MACROD2: variants seen among roughly 807,000 people sequenced by gnomAD.
MACROD2 encodes the protein mono-ADP ribosylhydrolase 2, also known as ADP-ribose glycohydrolase MACROD2.
MACROD2 carries 36 observed loss-of-function variants against 70.4 expected under a neutral mutation model. The ratio of observed to expected loss-of-function variants is 0.51; its 90% CI spans 0.39 to 0.68. MACROD2 has a LOEUF of 0.68. Ranked by LOEUF, MACROD2 falls within the 30% of genes least tolerant of loss-of-function variation. The pLI is 0.00. For synonymous variants in MACROD2, 172 were observed against 178.8 expected, an observed-to-expected ratio of 0.96 and a Z score of 0.30; for missense variants, 496 against 538.4, an observed-to-expected ratio of 0.92 and a Z score of 0.78.
At chr20:15,246,275 ATG>A (rs139635444) in intron 6 of MACROD2, among the ~76,000 whole-genome samples, 46 of 152,056 alleles carry the variant, frequency 3.0e-4, no homozygotes, top group African/African-American at 1.0e-3. Context: ...GTGTATGTGT[ATG>A]TGTGTGTGTG....
At chr20:14,919,195 GA>G (rs1163015565) in intron 5 of MACROD2, among the ~76,000 whole-genome samples, 1 of 152,136 alleles carries the variant, frequency 6.6e-6, no homozygotes, top group Non-Finnish European at 1.5e-5. Context: ...ACATTGCTGG[GA>G]AAGTAAAAGT....
intron 6 of MACROD2, among the ~76,000 whole-genome samples, chr20:15,411,552 A>G (rs1201482538): frequency 6.6e-6 from 1 of 152,222 alleles, no homozygotes; most frequent in African/African-American, 2.4e-5. Flanking sequence ...AGATAAAACT[A>G]TGATTGCATG....
intron 5 of MACROD2, among the ~76,000 whole-genome samples, chr20:14,931,352 C>T (rs571271593): frequency 6.6e-6 from 1 of 152,256 alleles, no homozygotes; most frequent in South Asian, 2.1e-4. Context: ...TAGCAATCTT[C>T]ACCAAGCAAC....
rs1051168115 is a variant in MACROD2 at position 14,679,739 on chromosome 20, G to A, written c.302-5104G>A. Among the ~76,000 whole-genome samples, 7 of 105,278 alleles carry A rather than the reference G, an allele frequency of 6.6e-5. No individual in the cohort carries two copies. In the East Asian group the frequency reaches 1.8e-3, roughly 27 times the overall value. 69.1% of individuals were successfully genotyped at this position (105,278 alleles called of 152,430 possible). A position where few individuals can be genotyped will look rare whatever the true frequency, so the allele number is the denominator to read the frequency against. ...TTACCATTGCCCTTTTCTCCCACAC[G>A]CTTTTTTTCAAGTGCCACAAATATA... On this transcript the variant is annotated intron_variant, in intron 4 of 17. Transcript: ENST00000684519.
intron 3 of MACROD2, among the ~76,000 whole-genome samples, chr20:14,480,541 G>T (rs2084651406): frequency 6.6e-6 from 1 of 152,126 alleles, no homozygotes; most frequent in African/African-American, 2.4e-5. Context: ...TGAGAGATTT[G>T]TTAAATAATA....
chr20:14,453,191 A>G (rs2084263666), intron 3 of MACROD2, among the ~76,000 whole-genome samples: 1 of 152,152 alleles, frequency 6.6e-6, no homozygotes, highest in Non-Finnish European at 1.5e-5. Flanking sequence ...TAAGACCACC[A>G]AGGCCTGCAT....
chr20:14,377,740 A>G (rs1486903488), intron 3 of MACROD2, among the ~76,000 whole-genome samples: 2 of 152,224 alleles, frequency 1.3e-5, no homozygotes, highest in Non-Finnish European at 2.9e-5. Context: ...AGCCCTTAGC[A>G]TGTTCTCTTA....
chr20:14,872,130 G>A (rs921446549), intron 5 of MACROD2, among the ~76,000 whole-genome samples: 1 of 152,028 alleles, frequency 6.6e-6, no homozygotes, highest in Non-Finnish European at 1.5e-5. Flanking sequence ...AATTAACAAA[G>A]ATATTCAGAT....
At chr20:15,611,855 G>A (rs2048974864) in intron 8 of MACROD2, among the ~76,000 whole-genome samples, 1 of 146,440 alleles carries the variant, frequency 6.8e-6, no homozygotes, top group South Asian at 2.3e-4. Flanking sequence ...CCCGGGAGCT[G>A]GGCACGTAGT....
At chr20:14,590,235 C>T (rs1420099854) in intron 4 of MACROD2, among the ~76,000 whole-genome samples, 1 of 151,952 alleles carries the variant, frequency 6.6e-6, no homozygotes, top group African/African-American at 2.4e-5. Flanking sequence ...GAACTGGGAC[C>T]ATCTAGGGCA....
At chr20:14,225,262 C>T (rs531267888) in intron 3 of MACROD2, among the ~76,000 whole-genome samples, 11 of 152,216 alleles carry the variant, frequency 7.2e-5, no homozygotes, top group African/African-American at 2.2e-4. Flanking sequence ...AAAAGAAGTA[C>T]ATATTTTCTT....
intron 6 of MACROD2, among the ~76,000 whole-genome samples, chr20:15,283,621 G>T (rs186420514): frequency 6.6e-6 from 1 of 151,978 alleles, no homozygotes; most frequent in South Asian, 2.1e-4. Flanking sequence ...GCAGTGAGCC[G>T]AGTTCACGCC....
intron 5 of MACROD2, among the ~76,000 whole-genome samples, chr20:14,959,104 C>T (rs1409917439): frequency 6.6e-6 from 1 of 151,950 alleles, no homozygotes; most frequent in Non-Finnish European, 1.5e-5. Flanking sequence ...TCTTCTGGTG[C>T]CCCTGAATTC....
chr20:14,766,474 T>A (rs2072091275), intron 5 of MACROD2, among the ~76,000 whole-genome samples: 1 of 152,054 alleles, frequency 6.6e-6, no homozygotes, highest in East Asian at 1.9e-4. Context: ...GAGGGTCAAA[T>A]TCACAAAGCA....
intron 6 of MACROD2, among the ~76,000 whole-genome samples, chr20:15,290,047 A>G (rs967257137): frequency 5.3e-5 from 8 of 152,240 alleles, no homozygotes; most frequent in Admixed American, 2.0e-4. Context: ...CATACATAAC[A>G]TGACAACAAT....
At chr20:14,755,060 T>C (rs923820820) in intron 5 of MACROD2, among the ~76,000 whole-genome samples, 2 of 152,102 alleles carry the variant, frequency 1.3e-5, no homozygotes, top group African/African-American at 4.8e-5. Context: ...AAGCACAGGT[T>C]CTTCCTTGGT....
At chr20:15,809,766 G>A (rs1426179592) in intron 8 of MACROD2, among the ~76,000 whole-genome samples, 2 of 151,866 alleles carry the variant, frequency 1.3e-5, no homozygotes, top group Non-Finnish European at 2.9e-5. Flanking sequence ...CATCCCCTTT[G>A]CCTGGAACTC....
chr20:15,291,712 A>G (rs563152214), intron 6 of MACROD2, among the ~76,000 whole-genome samples: 31 of 152,204 alleles, frequency 2.0e-4, no homozygotes, highest in Middle Eastern at 3.4e-3. Context: ...TTTCATGACT[A>G]AAAAAGGGAA....
intron 5 of MACROD2, among the ~76,000 whole-genome samples, chr20:15,130,848 G>A (rs1379701486): frequency 6.6e-6 from 1 of 152,066 alleles, no homozygotes; most frequent in East Asian, 1.9e-4. Flanking sequence ...TACTCCTGAT[G>A]GAAGTAGAGG....
Sources: gnomAD v4.1 joint callset for allele counts (sites outside exome capture counted in the v4.1 genomes callset) on GRCh38, gnomAD v4.1.1 for gene constraint, MANE v1.5 for transcripts, NCBI Gene and HGNC (gene_info 2026-07-23, HGNC 2026-07-21) for gene names.